Variants in PNPLA3 observed in about 807,000 individuals in gnomAD.
PNPLA3 encodes 1-acylglycerol-3-phosphate O-acyltransferase PNPLA3.
A neutral mutation model predicts 43.1 loss-of-function variants in PNPLA3; 42 were observed. The observed-to-expected ratio is 0.97, with a 90% CI of 0.76 to 1.26. The LOEUF is 1.26. PNPLA3 is among the 50% of genes most tolerant of loss of function. The pLI is 0.00. For synonymous variants in PNPLA3, 272 were observed against 253.6 expected, an observed-to-expected ratio of 1.07 and a Z score of -0.69; for missense variants, 647 against 621.4, an observed-to-expected ratio of 1.04 and a Z score of -0.44.
chr22:43,946,274 G>A lies in PNPLA3; in HGVS notation c.1338G>A (p.Pro446=), dbSNP rs753625728. 91 of 1,614,040 alleles carry A rather than the reference G, an allele frequency of 5.6e-5. No individual in the cohort carries two copies. Among genetic ancestry groups the A allele is most frequent in the Middle Eastern group, 1.6e-4 (1 of 6,084 alleles). ...CAGAGACCAAAGCAGAGGCCACCCC[G>A]CGGTCCATCCTCAGGTCCAGCCTGA... ...CPAETKAEAT[P]RSILRSSLNF... The change falls in exon 9 of 9, where the codon CCG becomes CCA. Residue 446 remains proline (P), a synonymous_variant. Transcript: ENST00000216180.
chr22:43,934,341 AG>A (rs796537396), intron 4 of PNPLA3, among the ~76,000 whole-genome samples: 5 of 149,468 alleles, frequency 3.3e-5, no homozygotes, highest in African/African-American at 1.2e-4. Flanking sequence ...AAAAAAGAAA[AG>A]TAAAAGGAAA....
At chr22:43,927,302 C>A in intron 2 of PNPLA3, 135 bp downstream of exon 2, 1 of 696,616 alleles carries the variant, frequency 1.4e-6, no homozygotes, top group Non-Finnish European at 2.5e-6. Flanking sequence ...AGCTCGAGAC[C>A]AACATGATGA....
At chr22:43,929,793 C>T (rs2049950032) in intron 3 of PNPLA3, among the ~76,000 whole-genome samples, 1 of 151,858 alleles carries the variant, frequency 6.6e-6, no homozygotes, top group Non-Finnish European at 1.5e-5. Context: ...GACAGGGTTT[C>T]ATCATATTGG....
At chr22:43,936,968 C>T (rs1235171372) in intron 5 of PNPLA3, 83 bp from the exon 6 acceptor site, 32 of 1,143,390 alleles carry the variant, frequency 2.8e-5, no homozygotes, top group Non-Finnish European at 3.8e-5. Flanking sequence ...AGCTGCCTGC[C>T]TCCCTGCAGT....
intron 7 of PNPLA3, among the ~76,000 whole-genome samples, chr22:43,941,294 C>CTTCCTCTGATTGGGT (rs752050996): frequency 7.3e-6 from 1 of 137,012 alleles, no homozygotes; most frequent in African/African-American, 2.8e-5. Flanking sequence ...CTTGATTGGG[C>CTTCCTCTGATTGGGT]TTCCTCTGAT....
At chr22:43,945,485 A>C (rs1317607013) in intron 8 of PNPLA3, among the ~76,000 whole-genome samples, 1 of 152,150 alleles carries the variant, frequency 6.6e-6, no homozygotes, top group African/African-American at 2.4e-5. Flanking sequence ...CCATCCCCTC[A>C]ATGGGTTTCC....
chr22:43,936,283 G>T (rs984455538), intron 5 of PNPLA3, among the ~76,000 whole-genome samples: 1 of 152,152 alleles, frequency 6.6e-6, no homozygotes, highest in African/African-American at 2.4e-5. Flanking sequence ...AAAGAGCCGG[G>T]GCAAGCATGA....
chr22:43,929,238 G>T (rs1369690315), intron 3 of PNPLA3, among the ~76,000 whole-genome samples: 1 of 152,140 alleles, frequency 6.6e-6, no homozygotes, highest in Non-Finnish European at 1.5e-5. Flanking sequence ...CACTTTGGGA[G>T]CCTGAAGCAG....
At chr22:43,926,860 TGG>T in intron 1 of PNPLA3, 73 bp from the exon 2 acceptor site, 1 of 1,284,812 alleles carries the variant, frequency 7.8e-7, no homozygotes, top group African/African-American at 1.5e-5. Flanking sequence ...CCTTGCTGTC[TGG>T]TTTCTGGCCT....
chr22:43,944,703 G>A lies in PNPLA3; in HGVS notation c.1125G>A (p.Trp375Ter), dbSNP rs2050051832. 6.2e-7 allele frequency: 1 copy of A among 1,614,088 alleles called. No individual in the cohort carries two copies. Among genetic ancestry groups the A allele is most frequent in the South Asian group, 1.1e-5 (1 of 91,088 alleles). The change falls in exon 8 of 9, where the codon TGG (tryptophan) becomes TGA (stop). Residue 375 changes from tryptophan to a stop codon, truncating the protein, a stop_gained. Transcript: ENST00000216180. LOFTEE classifies it high-confidence loss of function. The stretch of plus-strand genomic sequence containing the variant: ...CTCATCTCTGCAGACTGGTGACATG[G>A]CTTCCAGATATGCCCGACGATGTCC... ...AIAIVQRLVT[W>*]LPDMPDDVLW...
chr22:43,939,612 C>G (rs1196536177), intron 6 of PNPLA3, among the ~76,000 whole-genome samples: 2 of 151,990 alleles, frequency 1.3e-5, no homozygotes, highest in Non-Finnish European at 2.9e-5. Flanking sequence ...GTCAGGAGTT[C>G]AAGACCAGCC....
At chr22:43,945,963 G>A (rs1004242606) in intron 8 of PNPLA3, among the ~76,000 whole-genome samples, 191 bp from the exon 9 acceptor site, 2 of 152,206 alleles carry the variant, frequency 1.3e-5, no homozygotes, top group African/African-American at 4.8e-5. Flanking sequence ...GAGGGCCACA[G>A]GCTTGGAAGA....
At position 43,946,211 on chromosome 22, in the gene PNPLA3, GCCCTGCTGGACT is replaced by G; in HGVS notation, c.1283_1294del (p.Trp428_Cys431del). 6.2e-7 allele frequency: 1 copy of G among 1,614,166 alleles called. No individual in the cohort carries two copies. ...CCCCATGCACACCTGAGCAGGACTG[GCCCTGCTGGACT>G]CCCTGCTCCCCCAAGGGCTGTCCAG... On this transcript the variant is annotated inframe_deletion, in exon 9 of 9. Coordinates refer to ENST00000216180, the MANE Select transcript of PNPLA3 (RefSeq NM_025225.3).
In PNPLA3 at chr22:43,946,235, C is replaced by T. The variant is rs769195391; in HGVS notation, c.1299C>T (p.Pro433=). ...QDWPCWTPCS[P]KGCPAETKAE... is the part of the protein sequence containing the mutation. ...GGCCCTGCTGGACTCCCTGCTCCCC[C>T]AAGGGCTGTCCAGCAGAGACCAAAG... The change falls in exon 9 of 9, where the codon CCC becomes CCT. Residue 433 remains proline (P), a synonymous_variant. Transcript: ENST00000216180. 6.3e-5 allele frequency: 102 copies of T among 1,614,032 alleles called. No homozygotes were observed. The highest frequency in any genetic ancestry group is 8.3e-5 in the Admixed American group (5 of 60,006).
At position 43,936,515 on chromosome 22, in the gene PNPLA3, A is replaced by C. The variant is rs1348183764; in HGVS notation, c.758-536A>C. Among the ~76,000 whole-genome samples, 4 of 152,302 alleles carry C rather than the reference A, an allele frequency of 2.6e-5. No individual in the cohort carries two copies. In the East Asian group the frequency reaches 5.8e-4, roughly 22 times the overall value. On this transcript the variant is annotated intron_variant, in intron 5 of 8. Coordinates refer to ENST00000216180, the MANE Select transcript of PNPLA3 (RefSeq NM_025225.3). ...CAGGGCCTGGCACATACTGGTGCCC[A>C]ATCCTCCCTTCTGGGTGCTTCTTCC...
At position 43,946,324 on chromosome 22, in the gene PNPLA3, C is replaced by A; in HGVS notation, c.1388C>A (p.Pro463His). The change falls in exon 9 of 9, where the codon CCT (proline) becomes CAT (histidine). Residue 463 changes from proline (P) to histidine (H), a missense_variant. Physicochemically the swap from Pro to His is moderately conservative, Grantham distance 77 (BLOSUM62 -2). Coordinates refer to ENST00000216180, the MANE Select transcript of PNPLA3 (RefSeq NM_025225.3). ...SLNFFLGNKV[P>H]AGAEGLSTFP... The stretch of plus-strand genomic sequence containing the variant: ...AACTTCTTCTTGGGCAATAAAGTAC[C>A]TGCTGGTGCTGAGGGGCTCTCCACC... 4 of 1,614,200 alleles carry A rather than the reference C, an allele frequency of 2.5e-6. No individual in the cohort carries two copies. The highest frequency in any genetic ancestry group is 3.4e-6 in the Non-Finnish European group (4 of 1,180,040).
chr22:43,943,525 T>A (rs1199827844), intron 7 of PNPLA3, among the ~76,000 whole-genome samples: 3 of 152,160 alleles, frequency 2.0e-5, no homozygotes, highest in Admixed American at 6.5e-5. Context: ...ACCAGCCCCC[T>A]CCCCTTCTGC....
chr22:43,927,240 T>C, intron 2 of PNPLA3, 73 bp downstream of exon 2: 2 of 1,411,686 alleles, frequency 1.4e-6, no homozygotes, highest in Non-Finnish European at 2.0e-6. Flanking sequence ...GGCTCATGCC[T>C]GTCATCCCGG....
Position 43,945,556 on chromosome 22 carries a change from C to T in PNPLA3, c.1218-598C>T, listed in dbSNP as rs150538132. ...ACATGCTGGGCATCAGGAGGTATGG[C>T]CTCTCTTGCTATTGTTGTTATTGGT... On this transcript the variant is annotated intron_variant, in intron 8 of 8. Coordinates refer to ENST00000216180, the MANE Select transcript of PNPLA3 (RefSeq NM_025225.3). Among the ~76,000 whole-genome samples, 28 of 152,286 alleles carry T rather than the reference C, an allele frequency of 1.8e-4. 1 individual carries two copies. The East Asian group carries it at 5.0e-3, about 27-fold the overall frequency.
Sources: gnomAD v4.1 joint callset for allele counts (sites outside exome capture counted in the v4.1 genomes callset) on GRCh38, gnomAD v4.1.1 for gene constraint, MANE v1.5 for transcripts, NCBI Gene and HGNC (gene_info 2026-07-23, HGNC 2026-07-21) for gene names.